Variants in MTMR7 observed in about 807,000 individuals in gnomAD.
MTMR7 encodes the protein phosphatidylinositol-3-phosphate phosphatase MTMR7.
Under a neutral mutation model 81.2 loss-of-function variants are expected in MTMR7, and 76 were observed. The observed-to-expected ratio is 0.94, with a 90% CI of 0.78 to 1.13. The LOEUF (loss-of-function observed/expected upper bound fraction) is 1.13. Among genes scored for constraint, MTMR7 ranks in the 50% most tolerant of loss-of-function variants. The pLI is 0.00. For missense variants in MTMR7, 1,044 were observed against 820.0 expected (o/e 1.27, Z -3.34); for synonymous variants, 372 against 289.8 (o/e 1.28, Z -2.88).
At chr8:17,338,125 G>C (rs1819305671) in intron 6 of MTMR7, among the ~76,000 whole-genome samples, 2 of 152,188 alleles carry the variant, frequency 1.3e-5, no homozygotes, top group Admixed American at 1.3e-4. Context: ...TAAGTAAACA[G>C]TTTAAAACTC....
At position 17,361,203 on chromosome 8, in the gene MTMR7, C is replaced by A. The variant is rs1254045964; in HGVS notation, c.382G>T (p.Val128Leu). 5.0e-6 allele frequency: 8 copies of A among 1,614,024 alleles called. No individual in the cohort carries two copies. Among genetic ancestry groups the A allele is most frequent in the Non-Finnish European group, 5.9e-6 (7 of 1,180,000 alleles). The change falls in exon 4 of 14, where the codon GTG becomes TTG. Residue 128 changes from valine to leucine, a missense_variant. Transcript: ENST00000180173. ...TATTCTTCACTAAGATCGATCAGCA[C>A]CCAGCCTTGCTCTCTTTCTTCTTTA... ...LDKEEREQGW[V>L]LIDLSEEYTR...
intron 1 of MTMR7, among the ~76,000 whole-genome samples, chr8:17,409,713 G>A (rs767264889): frequency 1.3e-5 from 2 of 152,170 alleles, no homozygotes. Flanking sequence ...AACACAAGGT[G>A]TTATGATAAA....
chr8:17,311,430 C>A, intron 9 of MTMR7, 81 bp downstream of exon 9: 2 of 1,568,926 alleles, frequency 1.3e-6, no homozygotes, highest in Non-Finnish European at 1.7e-6. Flanking sequence ...AAGAAAACAG[C>A]AGTTGCCAGT....
chr8:17,379,356 G>A (rs13278771), intron 1 of MTMR7, among the ~76,000 whole-genome samples: 73,047 of 152,010 alleles, frequency 0.48, 18,378 homozygotes, highest in Admixed American at 0.65. Flanking sequence ...ACTCCACCCC[G>A]GAGCAGCAAG....
At chr8:17,340,000 G>A (rs145924487) in intron 6 of MTMR7, among the ~76,000 whole-genome samples, 2 of 152,318 alleles carry the variant, frequency 1.3e-5, no homozygotes, top group East Asian at 1.9e-4. Flanking sequence ...TGCCCAGGCT[G>A]GAGTGCAATG....
At chr8:17,309,977 G>A (rs559706871) in intron 9 of MTMR7, among the ~76,000 whole-genome samples, 22 of 152,100 alleles carry the variant, frequency 1.4e-4, no homozygotes, top group African/African-American at 4.8e-4. Flanking sequence ...ATTTATTTTG[G>A]TTTTGTATTT....
intron 1 of MTMR7, among the ~76,000 whole-genome samples, chr8:17,411,146 G>A (rs1821724851): frequency 6.6e-6 from 1 of 152,124 alleles, no homozygotes; most frequent in African/African-American, 2.4e-5. Flanking sequence ...ACAAAAGGAG[G>A]ATGTTATTTA....
In MTMR7 at chr8:17,309,129, G is replaced by A. The variant is rs999361390; in HGVS notation, c.1151+148C>T. The A allele has an allele frequency of 2.6e-5, 16 of 607,780 alleles. No individual in the cohort carries two copies. In the South Asian group the frequency reaches 3.0e-4, roughly 12 times the overall value. 37.6% of individuals were successfully genotyped at this position (607,780 alleles called of 1,614,324 possible). On this transcript the variant is annotated intron_variant, in intron 10 of 13. Transcript: ENST00000180173. ...ATCAGTTATAACTTCATTTATCTAT[G>A]ATATGACATATACAACAAAATTTAA...
intron 8 of MTMR7, 96 bp downstream of exon 8, chr8:17,313,196 G>C: frequency 4.7e-6 from 4 of 852,634 alleles, no homozygotes; most frequent in East Asian, 5.0e-5. Flanking sequence ...GTGCAGTGCA[G>C]CTTAAGACAG....
At chr8:17,392,215 T>C (rs1388175044) in intron 1 of MTMR7, among the ~76,000 whole-genome samples, 1 of 152,214 alleles carries the variant, frequency 6.6e-6, no homozygotes, top group Non-Finnish European at 1.5e-5. Context: ...TGTACATCTG[T>C]GAAAACAAGC....
chr8:17,404,112 T>C (rs1353507563), intron 1 of MTMR7, among the ~76,000 whole-genome samples: 1 of 152,152 alleles, frequency 6.6e-6, no homozygotes. Context: ...TTTAACAGTA[T>C]CTCTGGCAAA....
At chr8:17,359,151 G>C (rs76728127) in intron 4 of MTMR7, among the ~76,000 whole-genome samples, 6,265 of 152,122 alleles carry the variant, frequency 0.041, 195 homozygotes, top group Non-Finnish European at 0.062. Flanking sequence ...CCTCGCCATG[G>C]CTTCACGAAC....
intron 1 of MTMR7, among the ~76,000 whole-genome samples, chr8:17,390,153 T>C (rs748179113): frequency 6.6e-6 from 1 of 152,094 alleles, no homozygotes; most frequent in Non-Finnish European, 1.5e-5. Context: ...CTGGGTAATT[T>C]ATAAAGAGAA....
chr8:17,331,426 T>C (rs542732440), intron 6 of MTMR7, 144 bp from the exon 7 acceptor site: 38 of 828,282 alleles, frequency 4.6e-5, no homozygotes, highest in East Asian at 1.4e-4. Context: ...CACTGCAACC[T>C]TGTACTGAAC....
chr8:17,350,626 T>TG (rs774082268), intron 4 of MTMR7, among the ~76,000 whole-genome samples: 1 of 152,160 alleles, frequency 6.6e-6, no homozygotes, highest in Non-Finnish European at 1.5e-5. Flanking sequence ...ATACTTTATC[T>TG]GCAGGCCCTG....
rs528104316 is a variant in MTMR7, at chr8:17,324,957, A to G, written c.865+6193T>C. ...CACATCTGGTAGAATTTCACAGCAT[A>G]AATTTGCAGGTAATGTGATAAAAGA... On this transcript the variant is annotated intron_variant, in intron 7 of 13. Transcript: ENST00000180173. Among the ~76,000 whole-genome samples the G allele has an allele frequency of 2.6e-5, 4 of 152,284 alleles. No individual in the cohort carries two copies. The South Asian group carries it at 8.3e-4, about 32-fold the overall frequency.
intron 1 of MTMR7, among the ~76,000 whole-genome samples, chr8:17,411,128 A>T (rs1324702259): frequency 6.6e-6 from 1 of 152,228 alleles, no homozygotes; most frequent in Non-Finnish European, 1.5e-5. Flanking sequence ...TGCCCTTAAA[A>T]ATGTAAAACA....
chr8:17,381,308 C>A (rs575569669), intron 1 of MTMR7, among the ~76,000 whole-genome samples: 2 of 152,320 alleles, frequency 1.3e-5, no homozygotes, highest in Middle Eastern at 3.4e-3. Flanking sequence ...GGAGGCCACA[C>A]TGGCGGCCCA....
At chr8:17,300,835 T>C (rs1817062759) in intron 13 of MTMR7, among the ~76,000 whole-genome samples, 1 of 152,232 alleles carries the variant, frequency 6.6e-6, no homozygotes, top group African/African-American at 2.4e-5. Flanking sequence ...ATTTGCCTAG[T>C]CTAGATGTTT....
Sources: allele counts gnomAD v4.1 joint callset (sites outside exome capture counted in the v4.1 genomes callset), GRCh38; gene constraint gnomAD v4.1.1; transcripts MANE v1.5; gene names NCBI Gene and HGNC (gene_info 2026-07-23, HGNC 2026-07-21).